The following LAMC1 variants were observed in gnomAD, a reference collection of about 807,000 sequenced individuals.
LAMC1 encodes the protein laminin subunit gamma-1.
A neutral mutation model predicts 173.6 loss-of-function variants in LAMC1; 38 were observed. That is an observed-to-expected ratio of 0.22 (90% CI 0.17 to 0.29). The LOEUF (loss-of-function observed/expected upper bound fraction) is 0.29, where lower values mean the gene tolerates loss of function less well. Among genes scored for constraint, LAMC1 ranks in the 10% least tolerant of loss-of-function variants. The probability of loss-of-function intolerance (pLI) is 1.00; values close to 1 mark genes in which losing one functional copy is unlikely to be tolerated. For synonymous variants in LAMC1, 746 were observed against 749.1 expected (o/e 1.00, Z 0.07); for missense variants, 1,824 against 2,051.8 (o/e 0.89, Z 2.14).
chr1:183,093,450 C>A (rs1655615040), intron 1 of LAMC1, among the ~76,000 whole-genome samples: 1 of 152,180 alleles, frequency 6.6e-6, no homozygotes, highest in Admixed American at 6.5e-5. Context: ...GCTTTTCTCT[C>A]CAGTCTCCTT....
At chr1:183,030,584 A>G (rs1193412442) in intron 1 of LAMC1, among the ~76,000 whole-genome samples, 1 of 152,140 alleles carries the variant, frequency 6.6e-6, no homozygotes, top group African/African-American at 2.4e-5. Flanking sequence ...GATATATGTC[A>G]CTGTAATAGC....
intron 3 of LAMC1, among the ~76,000 whole-genome samples, 200 bp from the exon 4 acceptor site, chr1:183,110,288 C>T (rs145543209): frequency 6.6e-6 from 1 of 152,138 alleles, no homozygotes; most frequent in Non-Finnish European, 1.5e-5. Context: ...CTGGTTAATC[C>T]CTACCCCTGT....
intron 1 of LAMC1, among the ~76,000 whole-genome samples, chr1:183,082,790 T>C (rs1655320424): frequency 6.6e-6 from 1 of 152,230 alleles, no homozygotes; most frequent in African/African-American, 2.4e-5. Flanking sequence ...GTGTCAACCG[T>C]ATGGCAACCA....
intron 16 of LAMC1, 98 bp downstream of exon 16, chr1:183,126,360 G>T (rs1656619968): frequency 7.8e-7 from 1 of 1,279,528 alleles, no homozygotes; most frequent in South Asian, 1.4e-5. Flanking sequence ...CTAGCCACTT[G>T]ACTCATAGTC....
chr1:183,044,483 C>T (rs1377147632), intron 1 of LAMC1, among the ~76,000 whole-genome samples: 2 of 151,978 alleles, frequency 1.3e-5, no homozygotes, highest in East Asian at 1.9e-4. Flanking sequence ...GTACTTGACT[C>T]GTAAAACGAT....
intron 1 of LAMC1, among the ~76,000 whole-genome samples, chr1:183,026,389 G>T (rs1007318392): frequency 2.0e-5 from 3 of 151,944 alleles, no homozygotes; most frequent in Non-Finnish European, 4.4e-5. Context: ...GTGAGGTTGA[G>T]GTTTCTCTTT....
At chr1:183,057,670 A>G (rs529592506) in intron 1 of LAMC1, among the ~76,000 whole-genome samples, 5 of 152,178 alleles carry the variant, frequency 3.3e-5, no homozygotes, top group Admixed American at 3.3e-4. Context: ...CTGAGGCAGG[A>G]GAATTGCTTG....
chr1:183,106,913 C>T (rs1408750830), intron 2 of LAMC1, among the ~76,000 whole-genome samples: 6 of 152,104 alleles, frequency 3.9e-5, no homozygotes, highest in Admixed American at 2.6e-4. Flanking sequence ...GATGTACCCT[C>T]GGCTGAAACC....
In LAMC1 at chr1:183,028,730, T is replaced by G. The variant is rs559096038; in HGVS notation, c.418+4596T>G. ...CCAGACTCCTTTGGTTTTCCTTGTT[T>G]TTTCTTCTGCATACTTCTTTTTATT... On this transcript the variant is annotated intron_variant, in intron 1 of 27. Transcript: ENST00000258341. Among the ~76,000 whole-genome samples, 9 of 152,394 alleles carry G rather than the reference T, an allele frequency of 5.9e-5. No homozygotes were observed. In the South Asian group the frequency reaches 1.9e-3, roughly 32 times the overall value.
At chr1:183,051,049 T>C (rs1654414852) in intron 1 of LAMC1, among the ~76,000 whole-genome samples, 1 of 149,848 alleles carries the variant, frequency 6.7e-6, no homozygotes, top group African/African-American at 2.4e-5. Flanking sequence ...TATTTTTTTA[T>C]CTGAGGTGTT....
At chr1:183,071,093 T>G (rs1460112468) in intron 1 of LAMC1, among the ~76,000 whole-genome samples, 1 of 121,432 alleles carries the variant, frequency 8.2e-6, no homozygotes, top group African/African-American at 3.4e-5. Context: ...TTTGTTTTTG[T>G]TTTTTTTTTT....
chr1:183,042,699 C>G (rs1230498226), intron 1 of LAMC1, among the ~76,000 whole-genome samples: 3 of 152,268 alleles, frequency 2.0e-5, no homozygotes, highest in Admixed American at 1.3e-4. Flanking sequence ...AGTAAAAGAG[C>G]CTCTGAAGAA....
intron 1 of LAMC1, among the ~76,000 whole-genome samples, chr1:183,077,189 T>G (rs1455866436): frequency 2.0e-5 from 3 of 152,118 alleles, no homozygotes; most frequent in African/African-American, 7.2e-5. Context: ...TTGAAAAGCA[T>G]GGATGCTTGG....
intron 1 of LAMC1, among the ~76,000 whole-genome samples, chr1:183,052,274 A>G (rs1438654747): frequency 6.6e-6 from 1 of 151,658 alleles, no homozygotes; most frequent in Non-Finnish European, 1.5e-5. Flanking sequence ...ATCTCTCCCA[A>G]ACTCTGCTAA....
chr1:183,130,650 C>T, intron 19 of LAMC1, 101 bp downstream of exon 19: 1 of 837,248 alleles, frequency 1.2e-6, no homozygotes, highest in Non-Finnish European at 1.9e-6. Context: ...TAAATTGACT[C>T]CATGCATCTT....
chr1:183,048,351 T>C (rs528409286), intron 1 of LAMC1, among the ~76,000 whole-genome samples: 2 of 152,322 alleles, frequency 1.3e-5, no homozygotes, highest in East Asian at 3.9e-4. Context: ...AGTTAAAATG[T>C]CCTCTTTATC....
At position 183,108,418 on chromosome 1, in the gene LAMC1, A is replaced by AT. The variant is rs765773131; in HGVS notation, c.854+14dup. On this transcript the variant is annotated intron_variant, in intron 3 of 27. Coordinates refer to ENST00000258341, the MANE Select transcript of LAMC1 (RefSeq NM_002293.4). ...GCTGTAGGTGGCAGGTAAGTAAACT[A>AT]TTAAATTAGTCTTGAAAGTGTTTGG... 3.7e-6 allele frequency: 6 copies of AT among 1,608,094 alleles called. No individual in the cohort carries two copies. Among genetic ancestry groups the AT allele is most frequent in the Non-Finnish European group, 5.1e-6 (6 of 1,176,704 alleles).
rs567743699 is a variant in LAMC1 at position 183,133,145 on chromosome 1, A to T, written c.3705-261A>T. On this transcript the variant is annotated intron_variant, in intron 21 of 27. Transcript: ENST00000258341. ...AGGCTGGTTTTGAACTCCTGACCTG[A>T]AGTGATCTGCTCACCTCAGCCTCCC... Among the ~76,000 whole-genome samples, 5 of 152,292 alleles carry T rather than the reference A, an allele frequency of 3.3e-5. No homozygotes were observed. In the East Asian group the frequency reaches 9.7e-4, roughly 29 times the overall value.
At chr1:183,079,785 A>T (rs1373183134) in intron 1 of LAMC1, among the ~76,000 whole-genome samples, 2 of 152,244 alleles carry the variant, frequency 1.3e-5, no homozygotes, top group Non-Finnish European at 2.9e-5. Context: ...GAATTTGAAG[A>T]GCGGTAGATC....
Sources: allele counts gnomAD v4.1 joint callset (sites outside exome capture counted in the v4.1 genomes callset), GRCh38; gene constraint gnomAD v4.1.1; transcripts MANE v1.5; gene names NCBI Gene and HGNC (gene_info 2026-07-23, HGNC 2026-07-21).